Variants in DCAF1 observed in about 807,000 individuals in gnomAD.
DCAF1 encodes DDB1- and CUL4-associated factor 1.
In DCAF1, 15 loss-of-function variants were observed where a neutral mutation model predicts 128.0. The observed-to-expected ratio is 0.12, with a 90% CI of 0.08 to 0.18. The LOEUF (loss-of-function observed/expected upper bound fraction) is 0.18, where lower values mean the gene tolerates loss of function less well. DCAF1 is among the 10% of genes least tolerant of loss of function. The pLI, the probability that DCAF1 is intolerant of heterozygous loss-of-function variation, is 1.00. For missense variants in DCAF1, 988 were observed against 1,649.5 expected, an observed-to-expected ratio of 0.60 and a Z score of 6.95; for synonymous variants, 610 against 603.0, an observed-to-expected ratio of 1.01 and a Z score of -0.17.
chr3:51,459,530 A>G (rs1703307146), intron 6 of DCAF1, among the ~76,000 whole-genome samples: 1 of 152,194 alleles, frequency 6.6e-6, no homozygotes, highest in Non-Finnish European at 1.5e-5. Context: ...CAACAGAAAA[A>G]GAGGGAATCC....
chr3:51,458,930 T>C (rs1553643723), intron 6 of DCAF1, among the ~76,000 whole-genome samples: 1 of 152,060 alleles, frequency 6.6e-6, no homozygotes, highest in African/African-American at 2.4e-5. Context: ...TAGAGGGAAA[T>C]TTATAGCACT....
chr3:51,504,728 A>T (rs1246192912), upstream of DCAF1, among the ~76,000 whole-genome samples: 2 of 152,160 alleles, frequency 1.3e-5, no homozygotes, highest in Non-Finnish European at 2.9e-5. Flanking sequence ...CTCTGGCCTG[A>T]CCCATTTGAA....
At chr3:51,414,948 T>C in intron 18 of DCAF1, 91 bp from the exon 19 acceptor site, 1 of 1,478,592 alleles carries the variant, frequency 6.8e-7, no homozygotes, top group South Asian at 1.4e-5. Context: ...TTTCTAAAAT[T>C]AACACACAAA....
chr3:51,398,468 A>AC lies in DCAF1; in HGVS notation c.*300dup. On this transcript the variant is annotated 3_prime_UTR_variant, in exon 25 of 25. Coordinates refer to ENST00000684031, the MANE Select transcript of DCAF1 (RefSeq NM_001387579.1). ...ATACAAAGAAAATATATTGTGAAAT[A>AC]CCCCAGAGACATGGTTTTTTTTTCC... 1 of 317,798 alleles carries AC rather than the reference A, an allele frequency of 3.1e-6. No individual in the cohort carries two copies. The highest frequency in any genetic ancestry group is 5.8e-6 in the Non-Finnish European group (1 of 173,464). 19.7% of individuals were successfully genotyped at this position (317,798 alleles called of 1,614,324 possible).
intron 2 of DCAF1, among the ~76,000 whole-genome samples, chr3:51,494,409 C>T (rs868993355): frequency 7.9e-5 from 12 of 151,988 alleles, no homozygotes; most frequent in Admixed American, 6.6e-4. Context: ...CCACCGCGCC[C>T]GGCCGAGGTT....
At chr3:51,419,143 T>C (rs1158271484) in intron 15 of DCAF1, among the ~76,000 whole-genome samples, 8 of 152,008 alleles carry the variant, frequency 5.3e-5, no homozygotes, top group Non-Finnish European at 1.0e-4. Flanking sequence ...GGGGTATCAA[T>C]TGAGGTCAGG....
At chr3:51,432,047 G>A (rs1700436035) in intron 10 of DCAF1, among the ~76,000 whole-genome samples, 1 of 151,728 alleles carries the variant, frequency 6.6e-6, no homozygotes, top group African/African-American at 2.4e-5. Context: ...CCAAGGTGCG[G>A]GAATCACAAA....
Position 51,400,547 on chromosome 3 carries a change from G to A in DCAF1, c.4466-1720C>T, listed in dbSNP as rs79048116. 2.5e-3 allele frequency among the ~76,000 whole-genome samples: 381 copies of A among 152,306 alleles called. 1 individual carries two copies. Among genetic ancestry groups the A allele is most frequent in the Non-Finnish European group, 3.7e-3 (252 of 68,022 alleles). On this transcript the variant is annotated intron_variant, in intron 24 of 24. Transcript: ENST00000684031. ...CACAATCTTCTTTAAGCAAGTAACT[G>A]TCAGGCTCAAGGTCTGAGAGAAAAC...
At position 51,398,074 on chromosome 3, in the gene DCAF1, T is replaced by C. The variant is rs1420122375; in HGVS notation, c.*695A>G. On this transcript the variant is annotated 3_prime_UTR_variant, in exon 25 of 25. Coordinates refer to ENST00000684031, the MANE Select transcript of DCAF1 (RefSeq NM_001387579.1). The stretch of plus-strand genomic sequence containing the variant: ...CCATGCTGCCCCCAAACCATGAAGG[T>C]GAGTGAATTTAGGCATTTACCCAGC... 1.3e-5 allele frequency: 2 copies of C among 154,176 alleles called. No individual in the cohort carries two copies. Among genetic ancestry groups the C allele is most frequent in the African/African-American group, 4.8e-5 (2 of 41,324 alleles). 9.6% of individuals were successfully genotyped at this position (154,176 alleles called of 1,614,324 possible).
rs558605762 is a variant in DCAF1 at position 51,487,690 on chromosome 3, C to G, written c.-8-3854G>C. Reference sequence around the variant, plus strand: ...TCTTCTCTCCTCTTTCTCTCTCTCTCTCCTCTTTCCTCTCCCTTTTTTTCT... The same window carrying G: ...TCTTCTCTCCTCTTTCTCTCTCTCTGTCCTCTTTCCTCTCCCTTTTTTTCT... On this transcript the variant is annotated intron_variant, in intron 2 of 24. Coordinates refer to ENST00000684031, the MANE Select transcript of DCAF1 (RefSeq NM_001387579.1). Among the ~76,000 whole-genome samples, 15 of 151,986 alleles carry G rather than the reference C, an allele frequency of 9.9e-5. No individual in the cohort carries two copies. In the East Asian group the frequency reaches 2.9e-3, roughly 30 times the overall value.
In DCAF1 at chr3:51,412,374, C is replaced by T; in HGVS notation, c.4212+5G>A. The T allele has an allele frequency of 6.2e-6, 10 of 1,613,864 alleles. No homozygotes were observed. The highest frequency in any genetic ancestry group is 8.5e-6 in the Non-Finnish European group (10 of 1,179,836). ...CAGCAGAAAGAAATCTCAAAGACCA[C>T]TGACCTGGTCCTCCTCTTCATCCTC... On this transcript the variant is annotated splice_donor_5th_base_variant and intron_variant, in intron 23 of 24. Coordinates refer to ENST00000684031, the MANE Select transcript of DCAF1 (RefSeq NM_001387579.1).
chr3:51,494,435 A>G (rs1389208905), intron 2 of DCAF1, among the ~76,000 whole-genome samples: 1 of 152,152 alleles, frequency 6.6e-6, no homozygotes, highest in Non-Finnish European at 1.5e-5. Context: ...TTAAGGTGAT[A>G]AAAATATTCT....
At position 51,427,972 on chromosome 3, in the gene DCAF1, A is replaced by G. The variant is rs561937521; in HGVS notation, c.1678-431T>C. Among the ~76,000 whole-genome samples, 27 of 152,238 alleles carry G rather than the reference A, an allele frequency of 1.8e-4. No homozygotes were observed. In the East Asian group the frequency reaches 2.7e-3, roughly 15 times the overall value. The stretch of plus-strand genomic sequence containing the variant: ...AGCCACCATGCTTGGCCAAGGTTTT[A>G]ATTATAAATTAAATAATAATACCTT... On this transcript the variant is annotated intron_variant, in intron 12 of 24. Transcript: ENST00000684031.
the DCAF1 span, among the ~76,000 whole-genome samples, chr3:51,505,078 A>T: frequency 6.6e-6 from 1 of 152,092 alleles, no homozygotes; most frequent in East Asian, 1.9e-4. Context: ...CCTGGCCAGC[A>T]TGACAAAACC....
intron 4 of DCAF1, among the ~76,000 whole-genome samples, 168 bp from the exon 5 acceptor site, chr3:51,467,044 A>G (rs1214051573): frequency 6.6e-6 from 1 of 152,178 alleles, no homozygotes; most frequent in Non-Finnish European, 1.5e-5. Flanking sequence ...CATAAGAAAC[A>G]TGCTTTAGGC....
intron 3 of DCAF1, among the ~76,000 whole-genome samples, chr3:51,472,895 C>T (rs1704922502): frequency 6.7e-6 from 1 of 149,252 alleles, no homozygotes; most frequent in African/African-American, 2.5e-5. Context: ...GAACTCCTGA[C>T]CTCAGGTGAT....
chr3:51,435,312 A>T (rs1700709232), intron 9 of DCAF1, among the ~76,000 whole-genome samples: 1 of 152,170 alleles, frequency 6.6e-6, no homozygotes, highest in Non-Finnish European at 1.5e-5. Context: ...GCCACTGGAG[A>T]CAACTTTGAC....
At chr3:51,492,054 G>C (rs1263318614) in intron 2 of DCAF1, among the ~76,000 whole-genome samples, 1 of 151,792 alleles carries the variant, frequency 6.6e-6, no homozygotes, top group Non-Finnish European at 1.5e-5. Context: ...TACTCGGGGG[G>C]GCTGAGGGAG....
At chr3:51,480,125 A>ATT (rs797028810) in intron 3 of DCAF1, among the ~76,000 whole-genome samples, 1 of 148,186 alleles carries the variant, frequency 6.7e-6, no homozygotes. Flanking sequence ...AAAAAAAAAA[A>ATT]TTTTTTTTAA....
Sources: gnomAD v4.1 joint callset for allele counts (sites outside exome capture counted in the v4.1 genomes callset) on GRCh38, gnomAD v4.1.1 for gene constraint, MANE v1.5 for transcripts, NCBI Gene and HGNC (gene_info 2026-07-23, HGNC 2026-07-21) for gene names.